Variants in ARFGAP3 observed in about 807,000 individuals in gnomAD.
ARFGAP3 encodes the protein ADP-ribosylation factor GTPase-activating protein 3.
Under a neutral mutation model 75.0 loss-of-function variants are expected in ARFGAP3, and 72 were observed. The ratio of observed to expected loss-of-function variants is 0.96; its 90% CI spans 0.79 to 1.17. The LOEUF is 1.17. Among genes scored for constraint, ARFGAP3 ranks in the 50% most tolerant of loss-of-function variants. The pLI is 0.00. For synonymous variants in ARFGAP3, 221 were observed against 217.9 expected (o/e 1.01, Z -0.13); for missense variants, 620 against 626.6 (o/e 0.99, Z 0.11).
intron 14 of ARFGAP3, among the ~76,000 whole-genome samples, chr22:42,803,632 C>G (rs907181862): frequency 6.6e-6 from 1 of 152,222 alleles, no homozygotes; most frequent in Non-Finnish European, 1.5e-5. Context: ...GGCAGTCCCC[C>G]AGCTCTAATG....
At chr22:42,806,626 AG>A (rs2146529622) in intron 14 of ARFGAP3, among the ~76,000 whole-genome samples, 1 of 152,344 alleles carries the variant, frequency 6.6e-6, no homozygotes, top group Non-Finnish European at 1.5e-5. Flanking sequence ...TGCTCATTTA[AG>A]CCGCATGACA....
intron 4 of ARFGAP3, among the ~76,000 whole-genome samples, chr22:42,834,621 T>C (rs5996242): frequency 0.67 from 101,206 of 152,156 alleles, 35,909 homozygotes; most frequent in African/African-American, 0.91. Flanking sequence ...AATCAATCCT[T>C]GTTATTCATG....
chr22:42,803,848 G>A (rs1164699486), intron 14 of ARFGAP3, among the ~76,000 whole-genome samples: 1 of 151,768 alleles, frequency 6.6e-6, no homozygotes, highest in Non-Finnish European at 1.5e-5. Flanking sequence ...ATTAAGATAA[G>A]GAACACAGAA....
intron 6 of ARFGAP3, among the ~76,000 whole-genome samples, chr22:42,830,134 T>C (rs1035411722): frequency 6.6e-6 from 1 of 152,184 alleles, no homozygotes; most frequent in East Asian, 1.9e-4. Context: ...TCTTATTTTT[T>C]TTAGAGTCCG....
At chr22:42,847,483 A>C in intron 2 of ARFGAP3, 31 bp downstream of exon 2, 1 of 1,561,866 alleles carries the variant, frequency 6.4e-7, no homozygotes, top group African/African-American at 1.4e-5. Context: ...AATGTAATCA[A>C]TCTCACCCCA....
chr22:42,831,710 A>T (rs1179874716), intron 5 of ARFGAP3, 74 bp from the exon 6 acceptor site: 1 of 1,599,490 alleles, frequency 6.3e-7, no homozygotes, highest in Non-Finnish European at 8.5e-7. Context: ...AAAGCACGGG[A>T]AAAACCTAAC....
In ARFGAP3 at chr22:42,807,150, G is replaced by T. The variant is rs532124385; in HGVS notation, c.1334C>A (p.Ala445Asp). Residue 445 changes from alanine to aspartate, a missense_variant, in exon 14 of 16, where the codon GCC (alanine) becomes GAC (aspartate). Coordinates refer to ENST00000263245, the MANE Select transcript of ARFGAP3 (RefSeq NM_014570.5). ...RQSQADYETR[A>D]RLERLSASSS... ...ACTTGCCGACAGCCTCTCTAGGCGG[G>T]CCCTGGTCTCATACTAGAGAAGACA... The T allele has an allele frequency of 6.2e-7, 1 of 1,611,918 alleles. No individual in the cohort carries two copies. The highest frequency in any genetic ancestry group is 2.2e-5 in the East Asian group (1 of 44,872).
At chr22:42,833,625 G>A (rs780140532) in intron 5 of ARFGAP3, among the ~76,000 whole-genome samples, 33 of 152,154 alleles carry the variant, frequency 2.2e-4, no homozygotes, top group Non-Finnish European at 3.7e-4. Context: ...GTGTGGTGGC[G>A]TGCACCTGTT....
In ARFGAP3 at chr22:42,801,874, AG is replaced by A. The variant is rs536799992; in HGVS notation, c.1412-2715del. ...TGCAAGGGGGCCTAACCAGGCCCCC[AG>A]GGTAAATACGGGTTGCGGGGCTGTC... On this transcript the variant is annotated intron_variant, in intron 14 of 15. Transcript: ENST00000263245. Among the ~76,000 whole-genome samples the A allele has an allele frequency of 3.5e-4, 54 of 152,148 alleles. No homozygotes were observed. In the East Asian group the frequency reaches 6.0e-3, roughly 17 times the overall value.
intron 12 of ARFGAP3, 99 bp downstream of exon 12, chr22:42,810,714 C>T: frequency 9.6e-7 from 1 of 1,046,288 alleles, no homozygotes; most frequent in Non-Finnish European, 1.4e-6. Context: ...CCGCCGTGCC[C>T]AGCCCCTTAC....
At chr22:42,837,542 C>T (rs1926572316) in intron 3 of ARFGAP3, among the ~76,000 whole-genome samples, 1 of 149,390 alleles carries the variant, frequency 6.7e-6, no homozygotes, top group South Asian at 2.1e-4. Context: ...ATCACCTGAG[C>T]CCAGGAAGTT....
intron 5 of ARFGAP3, among the ~76,000 whole-genome samples, chr22:42,833,897 CAG>C (rs1351897122): frequency 3.9e-5 from 6 of 152,182 alleles, no homozygotes; most frequent in Non-Finnish European, 7.3e-5. Flanking sequence ...GCCTGGGAAA[CAG>C]AGCCAGATTC....
rs1925164049 is a variant in ARFGAP3 at position 42,807,162 on chromosome 22, T to C, written c.1322A>G (p.Tyr441Cys). 1 of 1,608,854 alleles carries C rather than the reference T, an allele frequency of 6.2e-7. No individual in the cohort carries two copies. Among genetic ancestry groups the C allele is most frequent in the Non-Finnish European group, 8.5e-7 (1 of 1,177,842 alleles). Residue 441 changes from tyrosine (Y) to cysteine (C), a missense_variant and splice_region_variant, in exon 14 of 16, where the codon TAT (tyrosine) becomes TGT (cysteine). By Grantham distance (194) the Tyr-to-Cys change is radical. Transcript: ENST00000263245. ...MYFGRQSQAD[Y>C]ETRARLERLS... Reference sequence around the variant, plus strand: ...CCTCTCTAGGCGGGCCCTGGTCTCATACTAGAGAAGACAAGGAAAAGGAAA... The same window carrying C: ...CCTCTCTAGGCGGGCCCTGGTCTCACACTAGAGAAGACAAGGAAAAGGAAA...
chr22:42,819,712 ACT>A (rs1925730132), intron 9 of ARFGAP3, among the ~76,000 whole-genome samples: 1 of 152,178 alleles, frequency 6.6e-6, no homozygotes, highest in Admixed American at 6.5e-5. Context: ...TTAGTTTCAC[ACT>A]CTGACAGTAC....
chr22:42,836,694 C>T (rs1305423873), intron 3 of ARFGAP3, among the ~76,000 whole-genome samples: 1 of 152,134 alleles, frequency 6.6e-6, no homozygotes, highest in Non-Finnish European at 1.5e-5. Context: ...ACGAGTGATC[C>T]TTTGATGAAC....
chr22:42,821,194 A>AAC (rs1469209367), intron 9 of ARFGAP3, among the ~76,000 whole-genome samples: 6 of 152,230 alleles, frequency 3.9e-5, no homozygotes, highest in African/African-American at 1.4e-4. Flanking sequence ...CACAGAGTCC[A>AAC]ACAGGGCTTC....
At chr22:42,824,528 CTT>C (rs111869150) in intron 7 of ARFGAP3, among the ~76,000 whole-genome samples, 27 of 135,270 alleles carry the variant, frequency 2.0e-4, no homozygotes, top group Admixed American at 3.0e-4. Context: ...GGTTTTCTTT[CTT>C]TTTTTTTTTT....
At chr22:42,849,465 T>G (rs1000570827) in intron 1 of ARFGAP3, among the ~76,000 whole-genome samples, 3 of 111,622 alleles carry the variant, frequency 2.7e-5, no homozygotes, top group Admixed American at 9.1e-5. Context: ...TTTGCTAATC[T>G]TTATGGCTTT....
chr22:42,835,295 TA>T (rs1926468853), intron 4 of ARFGAP3, 66 bp downstream of exon 4: 7 of 1,567,562 alleles, frequency 4.5e-6, no homozygotes, highest in Non-Finnish European at 5.2e-6. Context: ...CTATTCAGGA[TA>T]AAAATCACTT....
Sources: gnomAD v4.1 joint callset for allele counts (sites outside exome capture counted in the v4.1 genomes callset) on GRCh38, gnomAD v4.1.1 for gene constraint, MANE v1.5 for transcripts, NCBI Gene and HGNC (gene_info 2026-07-23, HGNC 2026-07-21) for gene names.